Variants in DCAF8L2 observed in about 807,000 individuals in gnomAD.
The protein encoded by DCAF8L2 is DDB1- and CUL4-associated factor 8-like protein 2.
For synonymous variants in DCAF8L2, 200 were observed against 190.9 expected, an observed-to-expected ratio of 1.05 and a Z score of -0.39; for missense variants, 430 against 490.7, an observed-to-expected ratio of 0.88 and a Z score of 1.17.
chrX:27,660,004 T>C (rs369792271), intron 2 of DCAF8L2, among the ~76,000 whole-genome samples: 4 of 111,395 alleles, frequency 3.6e-5, no homozygotes, highest in African/African-American at 9.8e-5. Context: ...CTTTTTTATG[T>C]TTCTTGTGTC....
chrX:27,552,027 T>C, the DCAF8L2 span, among the ~76,000 whole-genome samples: 7 of 112,074 alleles, frequency 6.2e-5, no homozygotes, highest in African/African-American at 2.3e-4. Flanking sequence ...ATGCTAGATA[T>C]TCTAACTGGG....
the DCAF8L2 span, among the ~76,000 whole-genome samples, chrX:27,525,854 C>T: frequency 1.3e-4 from 15 of 111,702 alleles, no homozygotes; most frequent in African/African-American, 2.3e-4. Flanking sequence ...GAATATTGGC[C>T]CCCACTCTCT....
At chrX:27,621,879 A>AGCTACTCAGGAG (rs1319442461) in intron 1 of DCAF8L2, among the ~76,000 whole-genome samples, 1 of 110,390 alleles carries the variant, frequency 9.1e-6, no homozygotes, top group Non-Finnish European at 1.9e-5. Context: ...CTGTAGTCCC[A>AGCTACTCAGGAG]GCTACTCAGG....
At chrX:27,654,754 T>C (rs1929288300) in intron 2 of DCAF8L2, among the ~76,000 whole-genome samples, 2 of 108,961 alleles carry the variant, frequency 1.8e-5, no homozygotes, top group Non-Finnish European at 3.9e-5. Flanking sequence ...TATCAAGATA[T>C]AATATGTTAA....
chrX:27,729,116 G>A (rs1921039384), intron 4 of DCAF8L2, among the ~76,000 whole-genome samples: 1 of 111,497 alleles, frequency 9.0e-6, no homozygotes, highest in Non-Finnish European at 1.9e-5. Context: ...AAAAATAGGT[G>A]GAATATAAAG....
the DCAF8L2 span, among the ~76,000 whole-genome samples, chrX:27,544,557 G>C: frequency 8.9e-6 from 1 of 111,766 alleles, no homozygotes; most frequent in Admixed American, 9.5e-5. Flanking sequence ...TATTTTTGGA[G>C]TGAATAAAAC....
chrX:27,623,046 A>T (rs751258286), intron 1 of DCAF8L2, among the ~76,000 whole-genome samples: 3 of 112,420 alleles, frequency 2.7e-5, no homozygotes, highest in Non-Finnish European at 5.6e-5. Flanking sequence ...CAAGGAAGTT[A>T]TAAATGTATT....
At chrX:27,648,185 T>G (rs1929013547) in intron 2 of DCAF8L2, among the ~76,000 whole-genome samples, 1 of 110,848 alleles carries the variant, frequency 9.0e-6, no homozygotes, top group Non-Finnish European at 1.9e-5. Context: ...CCAAGAAACT[T>G]AGATATTGAA....
At chrX:27,536,908 G>C in the DCAF8L2 span, among the ~76,000 whole-genome samples, 9 of 111,874 alleles carry the variant, frequency 8.0e-5, no homozygotes, top group African/African-American at 2.9e-4. Flanking sequence ...GTAAGTACTT[G>C]GGAATAAAAA....
rs997990548 is a variant in DCAF8L2, at chrX:27,717,475, A to G, written c.-59+1304A>G. The stretch of plus-strand genomic sequence containing the variant: ...TTGTGGTTTTGATTTACATTTCTCT[A>G]ATGATCAGTGATGATGAGCTTTTTT... On this transcript the variant is annotated intron_variant, in intron 4 of 4. Transcript: ENST00000451261. Among the ~76,000 whole-genome samples the G allele has an allele frequency of 7.1e-5, 8 of 112,408 alleles. No homozygotes were observed. The Admixed American group carries it at 7.5e-4, about 11-fold the overall frequency.
chrX:27,479,520 CTG>C, the DCAF8L2 span, among the ~76,000 whole-genome samples: 1 of 111,841 alleles, frequency 8.9e-6, no homozygotes, highest in Non-Finnish European at 1.9e-5. Context: ...TATGCATTTT[CTG>C]TGTTTACATT....
At chrX:27,660,084 G>A (rs750180471) in intron 2 of DCAF8L2, among the ~76,000 whole-genome samples, 2 of 111,547 alleles carry the variant, frequency 1.8e-5, no homozygotes, top group South Asian at 3.7e-4. Context: ...GTGCAACGGC[G>A]CGATCTCAGC....
chrX:27,529,157 A>G, the DCAF8L2 span, among the ~76,000 whole-genome samples: 1 of 111,883 alleles, frequency 8.9e-6, no homozygotes, highest in Non-Finnish European at 1.9e-5. Flanking sequence ...TACATTTGAC[A>G]TATATCATAT....
the DCAF8L2 span, among the ~76,000 whole-genome samples, chrX:27,510,765 T>A: frequency 9.0e-6 from 1 of 110,871 alleles, no homozygotes; most frequent in African/African-American, 3.3e-5. Context: ...AAAAATGACA[T>A]CCATCTGCTC....
the DCAF8L2 span, among the ~76,000 whole-genome samples, chrX:27,471,121 C>A: frequency 6.3e-5 from 7 of 111,732 alleles, no homozygotes; most frequent in Admixed American, 6.7e-4. Flanking sequence ...CAGTTCTTAT[C>A]ATCTACTAAG....
chrX:27,742,596 C>CAA (rs761506755), intron 4 of DCAF8L2, among the ~76,000 whole-genome samples: 11 of 93,297 alleles, frequency 1.2e-4, no homozygotes, highest in African/African-American at 3.9e-4. Flanking sequence ...CAAAAACAAA[C>CAA]AAAAAAAAAA....
At chrX:27,734,324 A>C (rs772100829) in intron 4 of DCAF8L2, among the ~76,000 whole-genome samples, 18 of 111,395 alleles carry the variant, frequency 1.6e-4, no homozygotes, top group Non-Finnish European at 3.0e-4. Flanking sequence ...AAGGAGAGCC[A>C]GCATTCCTAC....
At chrX:27,652,364 A>G (rs920950446) in intron 2 of DCAF8L2, among the ~76,000 whole-genome samples, 3 of 111,709 alleles carry the variant, frequency 2.7e-5, no homozygotes, top group African/African-American at 9.8e-5. Context: ...CTCTCAGCTT[A>G]CAAGAAAGAT....
chrX:27,508,576 G>A, the DCAF8L2 span, among the ~76,000 whole-genome samples: 1 of 107,431 alleles, frequency 9.3e-6, no homozygotes, highest in Non-Finnish European at 1.9e-5. Flanking sequence ...CCCATGCCCC[G>A]GTCACTCCAT....
Sources: allele counts gnomAD v4.1 joint callset (sites outside exome capture counted in the v4.1 genomes callset), GRCh38; gene constraint gnomAD v4.1.1; transcripts MANE v1.5; gene names NCBI Gene and HGNC (gene_info 2026-07-23, HGNC 2026-07-21).